ZNF189: variants seen among roughly 807,000 people sequenced by gnomAD.
The protein encoded by ZNF189 is zinc finger protein 189.
A neutral mutation model predicts 53.5 loss-of-function variants in ZNF189; 33 were observed. The ratio of observed to expected loss-of-function variants is 0.62; its 90% CI spans 0.47 to 0.82. The LOEUF (loss-of-function observed/expected upper bound fraction) is 0.82. Ranked by LOEUF, ZNF189 falls within the 40% of genes least tolerant of loss-of-function variation. The pLI is 0.00. For synonymous variants in ZNF189, 247 were observed against 238.8 expected (o/e 1.03, Z -0.32); for missense variants, 711 against 753.9 (o/e 0.94, Z 0.67).
chr9:101,408,697 A>T lies in ZNF189; in HGVS notation c.929A>T (p.His310Leu). 1 of 1,614,238 alleles carries T rather than the reference A, an allele frequency of 6.2e-7. No individual in the cohort carries two copies. The highest frequency in any genetic ancestry group is 1.1e-5 in the South Asian group (1 of 91,086). The stretch of plus-strand genomic sequence containing the variant: ...TTGCTTGTTGAGCATCAAAGAATTC[A>T]CACTGGGGAAAGACCCCATAAATGT... ...NSLLVEHQRI[H>L]TGERPHKCGE... The change falls in exon 3 of 3, where the codon CAC (histidine) becomes CTC (leucine). Residue 310 changes from histidine (H) to leucine (L), a missense_variant. Transcript: ENST00000339664.
chr9:101,400,128 A>G (rs1830479835), intron 2 of ZNF189, 118 bp downstream of exon 2: 3 of 1,349,166 alleles, frequency 2.2e-6, no homozygotes, highest in Non-Finnish European at 3.0e-6. Flanking sequence ...TTCTGATTCA[A>G]ACCTTTTAGC....
At position 101,407,689 on chromosome 9, in the gene ZNF189, C is replaced by G. The variant is rs568938157; in HGVS notation, c.161-240C>G. ...GGATTACAGGCATGAGCCACTATGC[C>G]TGGCCATTAGCATCTGGTCCCTTCT... On this transcript the variant is annotated intron_variant, in intron 2 of 2. Coordinates refer to ENST00000339664, the MANE Select transcript of ZNF189 (RefSeq NM_003452.4). 5.3e-5 allele frequency among the ~76,000 whole-genome samples: 8 copies of G among 152,318 alleles called. No homozygotes were observed. The South Asian group carries it at 1.5e-3, about 28-fold the overall frequency.
At chr9:101,399,439 C>G in intron 1 of ZNF189, 1 of 1,346,568 alleles carries the variant, frequency 7.4e-7, no homozygotes, top group Admixed American at 3.7e-5. Context: ...ATGCTCCAGA[C>G]TAGCTCTCTC....
In ZNF189 at chr9:101,408,045, C is replaced by A; in HGVS notation, c.277C>A (p.Gln93Lys). 6.2e-7 allele frequency: 1 copy of A among 1,613,808 alleles called. No homozygotes were observed. Among genetic ancestry groups the A allele is most frequent in the Non-Finnish European group, 8.5e-7 (1 of 1,179,946 alleles). The change falls in exon 3 of 3, where the codon CAG (glutamine) becomes AAG (lysine). Residue 93 changes from glutamine to lysine, a missense_variant. Physicochemically the swap from Gln to Lys is moderately conservative, Grantham distance 53. Coordinates refer to ENST00000339664, the MANE Select transcript of ZNF189 (RefSeq NM_003452.4). ...TACAAGAATCAAAAGTGAAATTGAC[C>A]AGGATCCTATGGGTAGAGAAACATT... is the stretch of plus-strand genomic sequence containing the variant. ...IVTRIKSEID[Q>K]DPMGRETFEL...
Position 101,409,947 on chromosome 9 carries a change from G to A in ZNF189, c.*298G>A, listed in dbSNP as rs79270653. 3.7e-3 allele frequency: 1,008 copies of A among 270,206 alleles called. 8 individuals are homozygous for A. The highest frequency in any genetic ancestry group is 0.021 in the African/African-American group (943 of 44,810). The allele number at this position is 270,206 out of a possible 1,614,324, so 16.7% of individuals were successfully genotyped here. ...TGCTCTGAGGGACAAAGTTGGATTA[G>A]TATAAGGGAGCTGGAGCAGCTGATA... On this transcript the variant is annotated 3_prime_UTR_variant, in exon 3 of 3. Transcript: ENST00000339664.
chr9:101,402,104 A>G (rs139365259), intron 2 of ZNF189, among the ~76,000 whole-genome samples: 1,849 of 151,312 alleles, frequency 0.012, 14 homozygotes, highest in Middle Eastern at 0.065. Flanking sequence ...TTAGTAGAGA[A>G]GGGGTTTCAC....
chr9:101,399,797 C>A (rs1830464133), intron 1 of ZNF189, 87 bp from the exon 2 acceptor site: 2 of 1,588,158 alleles, frequency 1.3e-6, no homozygotes, highest in East Asian at 4.5e-5. Flanking sequence ...CCTACTTGGC[C>A]ACAATAAGTG....
chr9:101,400,034 T>C (rs1329387369), intron 2 of ZNF189, 24 bp downstream of exon 2: 2 of 1,610,206 alleles, frequency 1.2e-6, no homozygotes, highest in East Asian at 2.2e-5. Context: ...GTTTCTCTAA[T>C]TAAAATATCT....
At chr9:101,402,428 A>G (rs57779051) in intron 2 of ZNF189, among the ~76,000 whole-genome samples, 11,819 of 152,282 alleles carry the variant, frequency 0.078, 646 homozygotes, top group African/African-American at 0.15. Flanking sequence ...CACTTGACAC[A>G]CTAACATGTA....
intron 2 of ZNF189, among the ~76,000 whole-genome samples, chr9:101,401,932 C>T (rs539505411): frequency 8.9e-5 from 12 of 134,696 alleles, no homozygotes; most frequent in Non-Finnish European, 1.9e-4. Flanking sequence ...TTTTTTTTTT[C>T]AAGTCATAGC....
In ZNF189 at chr9:101,399,203, C is replaced by T. The variant is rs1319480732; in HGVS notation, c.33+14C>T. 3 of 1,581,256 alleles carry T rather than the reference C, an allele frequency of 1.9e-6. No individual in the cohort carries two copies. The highest frequency in any genetic ancestry group is 2.3e-5 in the East Asian group (1 of 44,144). Reference sequence around the variant, plus strand: ...CCGGAGTCGAAGGTAAGTAAGCACCCCCCCGGGGATCCCGGTTGTCTCGCC... The same window carrying T: ...CCGGAGTCGAAGGTAAGTAAGCACCTCCCCGGGGATCCCGGTTGTCTCGCC... On this transcript the variant is annotated intron_variant, in intron 1 of 2. Coordinates refer to ENST00000339664, the MANE Select transcript of ZNF189 (RefSeq NM_003452.4).
At chr9:101,404,040 G>A (rs1929492) in intron 2 of ZNF189, among the ~76,000 whole-genome samples, 8,264 of 152,206 alleles carry the variant, frequency 0.054, 267 homozygotes, top group Middle Eastern at 0.15. Flanking sequence ...GTTCTTTGGC[G>A]AAACCCACTT....
intron 2 of ZNF189, among the ~76,000 whole-genome samples, chr9:101,400,338 C>T (rs1252328530): frequency 6.6e-6 from 1 of 152,116 alleles, no homozygotes; most frequent in Non-Finnish European, 1.5e-5. Context: ...ATGTTCCTTC[C>T]CTCCTGGCCT....
rs1004734539 is a variant in ZNF189 at position 101,399,107 on chromosome 9, C to T, written c.-50C>T. ...AGCCGGGTAGGCCTCACCAGAGGCT[C>T]CTTTCCGTGAGGCCGCCCCCAATTC... is the stretch of plus-strand genomic sequence containing the variant. On this transcript the variant is annotated 5_prime_UTR_variant, in exon 1 of 3. Transcript: ENST00000339664. The T allele has an allele frequency of 1.4e-6, 2 of 1,397,276 alleles. No individual in the cohort carries two copies. The highest frequency in any genetic ancestry group is 1.4e-5 in the African/African-American group (1 of 71,120). The allele number at this position is 1,397,276 out of a possible 1,614,324, so 86.6% of individuals were successfully genotyped here. A position where few individuals can be genotyped will look rare whatever the true frequency, so the allele number is the denominator to read the frequency against.
Position 101,399,046 on chromosome 9 carries a change from C to A in ZNF189, c.-111C>A. 2 of 815,800 alleles carry A rather than the reference C, an allele frequency of 2.5e-6. No individual in the cohort carries two copies. Among genetic ancestry groups the A allele is most frequent in the Non-Finnish European group, 4.2e-6 (2 of 471,102 alleles). 50.5% of individuals were successfully genotyped at this position (815,800 alleles called of 1,614,324 possible). On this transcript the variant is annotated 5_prime_UTR_variant, in exon 1 of 3. Coordinates refer to ENST00000339664, the MANE Select transcript of ZNF189 (RefSeq NM_003452.4). ...GAGGCAGGCACTGGCCAGACCCAGC[C>A]AGGGATCCTCGTATTCGTCGAGCCT...
At chr9:101,404,884 T>C (rs17772272) in intron 2 of ZNF189, among the ~76,000 whole-genome samples, 12,037 of 152,260 alleles carry the variant, frequency 0.079, 541 homozygotes, top group Middle Eastern at 0.16. Flanking sequence ...AATAGAATTA[T>C]GGTCGAGGGC....
In ZNF189 at chr9:101,409,365, G is replaced by A. The variant is rs757811332; in HGVS notation, c.1597G>A (p.Val533Ile). 1.2e-6 allele frequency: 2 copies of A among 1,613,806 alleles called. No homozygotes were observed. The change falls in exon 3 of 3, where the codon GTT (valine) becomes ATT (isoleucine). Residue 533 changes from valine (V) to isoleucine (I), a missense_variant. By Grantham distance (29) the Val-to-Ile change is conservative (BLOSUM62 3). Coordinates refer to ENST00000339664, the MANE Select transcript of ZNF189 (RefSeq NM_003452.4). The stretch of plus-strand genomic sequence containing the variant: ...TTGTAATCTTATTCGACATCAGGGT[G>A]TTCACACAGGTAATAAACCCCATAA... ...QLCNLIRHQG[V>I]HTGNKPHKCD...
chr9:101,399,448 T>C (rs1830449105), intron 1 of ZNF189: 1 of 1,333,808 alleles, frequency 7.5e-7, no homozygotes, highest in South Asian at 1.9e-5. Context: ...ACTAGCTCTC[T>C]CATTTGTGAG....
intron 2 of ZNF189, among the ~76,000 whole-genome samples, chr9:101,402,853 T>C (rs1830583722): frequency 6.6e-6 from 1 of 152,216 alleles, no homozygotes; most frequent in Admixed American, 6.5e-5. Flanking sequence ...GATTATTACA[T>C]TAACCCCTAA....
Sources: allele counts gnomAD v4.1 joint callset (sites outside exome capture counted in the v4.1 genomes callset), GRCh38; gene constraint gnomAD v4.1.1; transcripts MANE v1.5; gene names NCBI Gene and HGNC (gene_info 2026-07-23, HGNC 2026-07-21).